Variants in CNTNAP2 observed in about 807,000 individuals in gnomAD.
CNTNAP2 encodes the protein contactin-associated protein-like 2.
In CNTNAP2, 98 loss-of-function variants were observed where a neutral mutation model predicts 155.2. That is an observed-to-expected ratio of 0.63 (90% CI 0.54 to 0.75). The LOEUF (loss-of-function observed/expected upper bound fraction) is 0.75, where lower values mean the gene tolerates loss of function less well. CNTNAP2 is among the 30% of genes least tolerant of loss of function. CNTNAP2 has a pLI of 0.00. For synonymous variants in CNTNAP2, 651 were observed against 631.2 expected (o/e 1.03, Z -0.47); for missense variants, 1,727 against 1,688.1 (o/e 1.02, Z -0.40).
chr7:146,739,768 G>A (rs1801680628), intron 1 of CNTNAP2, among the ~76,000 whole-genome samples: 1 of 151,856 alleles, frequency 6.6e-6, no homozygotes, highest in Non-Finnish European at 1.5e-5. Flanking sequence ...TTTTATTGCA[G>A]TCTATATCTC....
At chr7:148,352,447 A>G (rs1056893731) in intron 21 of CNTNAP2, among the ~76,000 whole-genome samples, 6 of 152,260 alleles carry the variant, frequency 3.9e-5, no homozygotes, top group African/African-American at 1.2e-4. Context: ...TGCGTGGACA[A>G]CTTACTGGAT....
chr7:148,034,288 T>G (rs1585089126), intron 15 of CNTNAP2, among the ~76,000 whole-genome samples: 1 of 152,206 alleles, frequency 6.6e-6, no homozygotes, highest in African/African-American at 2.4e-5. Flanking sequence ...GTCCTCATTA[T>G]CAGGGCTATG....
At chr7:146,136,439 A>T (rs1797798763) in intron 1 of CNTNAP2, among the ~76,000 whole-genome samples, 1 of 152,202 alleles carries the variant, frequency 6.6e-6, no homozygotes, top group Admixed American at 6.6e-5. Flanking sequence ...GTTATCTTCC[A>T]GAGACTTTGA....
chr7:147,738,481 C>A (rs889756100), intron 13 of CNTNAP2, among the ~76,000 whole-genome samples: 1 of 152,108 alleles, frequency 6.6e-6, no homozygotes, highest in African/African-American at 2.4e-5. Context: ...TGGAAGTCAT[C>A]AAAATAGAGG....
intron 2 of CNTNAP2, among the ~76,000 whole-genome samples, chr7:146,788,268 C>T (rs35367731): frequency 0.019 from 2,846 of 152,312 alleles, 35 homozygotes; most frequent in Non-Finnish European, 0.029. Context: ...AGCACAGCAG[C>T]GGGCTGAAGG....
chr7:146,478,932 G>A (rs1796919700), intron 1 of CNTNAP2, among the ~76,000 whole-genome samples: 2 of 152,142 alleles, frequency 1.3e-5, no homozygotes, highest in South Asian at 4.2e-4. Flanking sequence ...ACAACAAATA[G>A]GACCGATTAT....
At chr7:146,253,451 C>T (rs1250683492) in intron 1 of CNTNAP2, among the ~76,000 whole-genome samples, 1 of 152,246 alleles carries the variant, frequency 6.6e-6, no homozygotes, top group African/African-American at 2.4e-5. Context: ...AATGTCTTTG[C>T]TATACATGCC....
At chr7:147,459,475 G>A (rs1239510474) in intron 10 of CNTNAP2, among the ~76,000 whole-genome samples, 1 of 152,134 alleles carries the variant, frequency 6.6e-6, no homozygotes, top group Non-Finnish European at 1.5e-5. Flanking sequence ...ACTAAATTAA[G>A]GATCTTGAGG....
Position 146,172,839 on chromosome 7 carries a change from C to T in CNTNAP2, c.97+55866C>T, listed in dbSNP as rs58898850. ...GAATACAGACATGCAAGATATTCTG[C>T]AGGGGAAGATCATGGTCTGATAGAT... On this transcript the variant is annotated intron_variant, in intron 1 of 23. Transcript: ENST00000361727. Among the ~76,000 whole-genome samples, 883 of 152,182 alleles carry T rather than the reference C, an allele frequency of 5.8e-3. 5 individuals carry two copies. The highest frequency in any genetic ancestry group is 0.02 in the African/African-American group (850 of 41,524).
At chr7:147,377,706 G>A (rs1482581553) in intron 9 of CNTNAP2, among the ~76,000 whole-genome samples, 1 of 151,708 alleles carries the variant, frequency 6.6e-6, no homozygotes, top group East Asian at 1.9e-4. Context: ...TATGTTGAAA[G>A]TTTAGTTTCT....
intron 8 of CNTNAP2, among the ~76,000 whole-genome samples, chr7:147,298,670 T>C (rs1331713017): frequency 1.3e-5 from 2 of 152,220 alleles, no homozygotes; most frequent in Non-Finnish European, 2.9e-5. Context: ...GTAAATAGCC[T>C]AGGCTTTATG....
At chr7:147,101,210 C>T (rs1482696634) in intron 4 of CNTNAP2, among the ~76,000 whole-genome samples, 1 of 152,166 alleles carries the variant, frequency 6.6e-6, no homozygotes, top group African/African-American at 2.4e-5. Flanking sequence ...TGGTATAGGC[C>T]ACACTGAAGA....
At chr7:146,419,988 T>A (rs189177402) in intron 1 of CNTNAP2, among the ~76,000 whole-genome samples, 35 of 152,234 alleles carry the variant, frequency 2.3e-4, no homozygotes, top group Non-Finnish European at 4.0e-4. Flanking sequence ...CCTGCAAAAG[T>A]CTTTCCATAT....
At chr7:147,803,844 A>G (rs1798046420) in intron 13 of CNTNAP2, among the ~76,000 whole-genome samples, 1 of 152,194 alleles carries the variant, frequency 6.6e-6, no homozygotes, top group Non-Finnish European at 1.5e-5. Context: ...ATACTCAGTA[A>G]TCTGCCACAG....
chr7:147,029,749 T>C (rs1409535602), intron 3 of CNTNAP2, among the ~76,000 whole-genome samples: 5 of 152,078 alleles, frequency 3.3e-5, no homozygotes, highest in Non-Finnish European at 5.9e-5. Context: ...AAATCAGACA[T>C]TACATTTAGT....
At chr7:146,886,302 T>C (rs1382969866) in intron 3 of CNTNAP2, among the ~76,000 whole-genome samples, 4 of 151,872 alleles carry the variant, frequency 2.6e-5, no homozygotes, top group Admixed American at 6.6e-5. Flanking sequence ...GAAATATCTT[T>C]ATACCAAGAT....
chr7:148,326,682 C>T lies in CNTNAP2; in HGVS notation c.3476-56967C>T, dbSNP rs1048959377. 8.6e-5 allele frequency among the ~76,000 whole-genome samples: 13 copies of T among 151,798 alleles called. No individual in the cohort carries two copies. In the East Asian group the frequency reaches 1.2e-3, roughly 14 times the overall value. ...GAGATCGAGACCATCTTGGCCAACA[C>T]GGTGAAACCCCGTCTCTACTAAAAA... On this transcript the variant is annotated intron_variant, in intron 21 of 23. Coordinates refer to ENST00000361727, the MANE Select transcript of CNTNAP2 (RefSeq NM_014141.6).
chr7:146,690,030 TAA>T (rs1800669983), intron 1 of CNTNAP2, among the ~76,000 whole-genome samples: 1 of 151,856 alleles, frequency 6.6e-6, no homozygotes, highest in Admixed American at 6.6e-5. Context: ...ATTTAAATCT[TAA>T]GATAATTTTG....
chr7:147,122,853 A>G (rs1188145272), intron 6 of CNTNAP2: 1 of 152,182 alleles, frequency 6.6e-6, no homozygotes, highest in African/African-American at 2.4e-5. Flanking sequence ...ATGTATTCAT[A>G]TATATATGTG....
Sources: allele counts gnomAD v4.1 joint callset (sites outside exome capture counted in the v4.1 genomes callset), GRCh38; gene constraint gnomAD v4.1.1; transcripts MANE v1.5; gene names NCBI Gene and HGNC (gene_info 2026-07-23, HGNC 2026-07-21).